STRN: variants seen among roughly 807,000 people sequenced by gnomAD.
STRN encodes striatin.
In STRN, 53 loss-of-function variants were observed where a neutral mutation model predicts 96.3. The ratio of observed to expected loss-of-function variants is 0.55; its 90% CI spans 0.44 to 0.69. The LOEUF (loss-of-function observed/expected upper bound fraction) is 0.69. STRN is among the 30% of genes least tolerant of loss of function. The pLI is 0.00. For synonymous variants in STRN, 428 were observed against 355.9 expected, an observed-to-expected ratio of 1.20 and a Z score of -2.28; for missense variants, 987 against 963.9, an observed-to-expected ratio of 1.02 and a Z score of -0.32.
chr2:36,882,601 T>C (rs2717519), intron 9 of STRN, among the ~76,000 whole-genome samples: 132,053 of 152,120 alleles, frequency 0.87, 58,769 homozygotes, highest in Non-Finnish European at 0.96. Flanking sequence ...ACCATGTCTC[T>C]ACAAAAAGCA....
At chr2:36,876,190 A>G (rs538477147) in intron 10 of STRN, among the ~76,000 whole-genome samples, 1 of 151,898 alleles carries the variant, frequency 6.6e-6, no homozygotes, top group East Asian at 1.9e-4. Context: ...GGATCATTTG[A>G]GCCCGGTGGG....
At chr2:36,867,349 T>G (rs1274987310) in intron 12 of STRN, 2 of 152,196 alleles carry the variant, frequency 1.3e-5, no homozygotes, top group African/African-American at 4.9e-5. Context: ...GCATCCAGAC[T>G]GGGCAACAGC....
intron 12 of STRN, among the ~76,000 whole-genome samples, chr2:36,865,936 T>C (rs1322000928): frequency 2.6e-5 from 4 of 152,212 alleles, no homozygotes; most frequent in African/African-American, 4.8e-5. Flanking sequence ...GATTCTGGTA[T>C]GTTGTAGCTT....
intron 1 of STRN, among the ~76,000 whole-genome samples, chr2:36,931,024 T>C (rs62132558): frequency 0.33 from 49,244 of 149,788 alleles, 8,258 homozygotes; most frequent in East Asian, 0.54. Context: ...CAGAGCAAAA[T>C]TGCCTCAAAA....
intron 12 of STRN, among the ~76,000 whole-genome samples, chr2:36,862,042 G>C (rs1279203959): frequency 6.6e-6 from 1 of 152,070 alleles, no homozygotes; most frequent in African/African-American, 2.4e-5. Flanking sequence ...TTCTGTTCCT[G>C]CATTAGTTTG....
intron 15 of STRN, 110 bp from the exon 16 acceptor site, chr2:36,851,217 G>T: frequency 2.3e-6 from 2 of 864,542 alleles, no homozygotes; most frequent in Non-Finnish European, 3.5e-6. Context: ...GGCCGCGGTG[G>T]CTCACGCCTG....
intron 2 of STRN, among the ~76,000 whole-genome samples, chr2:36,922,492 C>T (rs1670286542): frequency 6.9e-6 from 1 of 145,700 alleles, no homozygotes; most frequent in African/African-American, 2.6e-5. Flanking sequence ...GCACTACAGC[C>T]TAGGCAACAG....
chr2:36,854,897 T>C (rs1248875326), intron 15 of STRN, among the ~76,000 whole-genome samples: 1 of 152,100 alleles, frequency 6.6e-6, no homozygotes, highest in Non-Finnish European at 1.5e-5. Context: ...TTACGAGAAA[T>C]GAAAAATAGA....
chr2:36,941,506 G>A (rs927809758), intron 1 of STRN, among the ~76,000 whole-genome samples: 1 of 151,558 alleles, frequency 6.6e-6, no homozygotes, highest in Non-Finnish European at 1.5e-5. Flanking sequence ...TTCTCAAGAT[G>A]AACAGAATCA....
chr2:36,953,424 A>C (rs1237917563), intron 1 of STRN, among the ~76,000 whole-genome samples: 1 of 147,740 alleles, frequency 6.8e-6, no homozygotes, highest in Non-Finnish European at 1.5e-5. Context: ...TTTTTTGGAA[A>C]TGCAGTCTTG....
chr2:36,954,929 A>G (rs890869344), intron 1 of STRN, among the ~76,000 whole-genome samples: 1 of 152,116 alleles, frequency 6.6e-6, no homozygotes, highest in Non-Finnish European at 1.5e-5. Flanking sequence ...ATAAGCCACC[A>G]TGCCCAGTCC....
intron 1 of STRN, among the ~76,000 whole-genome samples, chr2:36,953,021 A>G (rs1030132882): frequency 1.3e-5 from 2 of 152,240 alleles, no homozygotes; most frequent in Non-Finnish European, 2.9e-5. Flanking sequence ...GTGGAATTTG[A>G]CATGGTGTTT....
rs1667966258 is a variant in STRN, at chr2:36,842,063, A to T, written c.*7393T>A. 1 of 152,174 alleles carries T rather than the reference A, an allele frequency of 6.6e-6. No homozygotes were observed. The highest frequency in any genetic ancestry group is 1.5e-5 in the Non-Finnish European group (1 of 68,026). 9.4% of individuals were successfully genotyped at this position (152,174 alleles called of 1,614,324 possible). Reference sequence around the variant, plus strand: ...TAATTTTGTTTATGCATGAAAAATTATTGTCTTGGTCCCATTTCCAAAGGG... The same window carrying T: ...TAATTTTGTTTATGCATGAAAAATTTTTGTCTTGGTCCCATTTCCAAAGGG... On this transcript the variant is annotated 3_prime_UTR_variant, in exon 18 of 18. Coordinates refer to ENST00000263918, the MANE Select transcript of STRN (RefSeq NM_003162.4).
rs80243841 is a variant in STRN, at chr2:36,883,980, G to C, written c.1138C>G (p.Pro380Ala). The change falls in exon 9 of 18, where the codon CCC (proline) becomes GCC (alanine). Residue 380 changes from proline (P) to alanine (A), a missense_variant. Pro to Ala is a conservative substitution (Grantham distance 27, BLOSUM62 -1). Transcript: ENST00000263918. ...TGTTCAGGAAGCCTGGAGCTGCTGGGTCTGGAAGGTGAACCCACAGATGGC... is the reference window on the plus strand; with the variant it reads ...TGTTCAGGAAGCCTGGAGCTGCTGGCTCTGGAAGGTGAACCCACAGATGGC... ...LQPSVGSPSR[P>A]SSSRLPEHEI... 1 of 1,440,976 alleles carries C rather than the reference G, an allele frequency of 6.9e-7. No individual in the cohort carries two copies. The highest frequency in any genetic ancestry group is 2.6e-5 in the East Asian group (1 of 37,962). The allele number at this position is 1,440,976 out of a possible 1,614,324, so 89.3% of individuals were successfully genotyped here. A position where few individuals can be genotyped will look rare whatever the true frequency, so the allele number is the denominator to read the frequency against.
intron 15 of STRN, 39 bp downstream of exon 15, chr2:36,855,173 A>T (rs758835924): frequency 4.6e-5 from 73 of 1,598,376 alleles, no homozygotes; most frequent in Non-Finnish European, 5.5e-5. Context: ...GATTAAGTTA[A>T]AAAAATAAAC....
At chr2:36,925,887 G>A (rs1238238592) in intron 1 of STRN, among the ~76,000 whole-genome samples, 5 of 152,220 alleles carry the variant, frequency 3.3e-5, no homozygotes, top group African/African-American at 9.6e-5. Context: ...AAGCAGGAAG[G>A]GTTAAAGTAA....
chr2:36,946,837 T>A (rs1328131765), intron 1 of STRN, among the ~76,000 whole-genome samples: 1 of 152,220 alleles, frequency 6.6e-6, no homozygotes, highest in African/African-American at 2.4e-5. Flanking sequence ...GTTGATAGTT[T>A]CTAGTCAATG....
intron 15 of STRN, 33 bp downstream of exon 15, chr2:36,855,178 AT>A (rs1226365340): frequency 1.9e-6 from 3 of 1,602,348 alleles, no homozygotes; most frequent in African/African-American, 1.3e-5. Flanking sequence ...AGTTAAAAAA[AT>A]AAACACAGAC....
chr2:36,864,585 A>G (rs1205115076), intron 12 of STRN, among the ~76,000 whole-genome samples: 1 of 152,142 alleles, frequency 6.6e-6, no homozygotes, highest in Non-Finnish European at 1.5e-5. Context: ...TTTTGCATCT[A>G]TGTTCATCAA....
Sources: allele counts gnomAD v4.1 joint callset (sites outside exome capture counted in the v4.1 genomes callset), GRCh38; gene constraint gnomAD v4.1.1; transcripts MANE v1.5; gene names NCBI Gene and HGNC (gene_info 2026-07-23, HGNC 2026-07-21).